RAC2: variants seen among roughly 807,000 people sequenced by gnomAD.
The protein encoded by RAC2 is Rac family small GTPase 2, also known as ras-related C3 botulinum toxin substrate 2.
Under a neutral mutation model 24.0 loss-of-function variants are expected in RAC2, and 1 was observed. The observed-to-expected ratio is 0.04, with a 90% CI of 0.01 to 0.20. RAC2 has a LOEUF of 0.20. Among genes scored for constraint, RAC2 ranks in the 10% least tolerant of loss-of-function variants. The pLI is 1.00. For missense variants in RAC2, 130 were observed against 259.1 expected (o/e 0.50, Z 3.42); for synonymous variants, 114 against 106.8 (o/e 1.07, Z -0.41).
Position 37,231,598 on chromosome 22 carries a change from A to C in RAC2, c.289-208T>G. ...ACGTTGTGCAGGAAGGAGGGGGCGC[A>C]TGATTGTAGGAAAGGAGGAGGCGAG... On this transcript the variant is annotated intron_variant, in intron 4 of 6. Coordinates refer to ENST00000249071, the MANE Select transcript of RAC2 (RefSeq NM_002872.5). The surrounding 1 kb of genome is among the most constrained non-coding windows in gnomAD (Gnocchi z 5.5). 1.6e-6 allele frequency: 1 copy of C among 609,380 alleles called. No homozygotes were observed. Among genetic ancestry groups the C allele is most frequent in the South Asian group, 2.0e-5 (1 of 51,188 alleles). The allele number at this position is 609,380 out of a possible 1,614,324, so 37.7% of individuals were successfully genotyped here. A position where few individuals can be genotyped will look rare whatever the true frequency, so the allele number is the denominator to read the frequency against.
chr22:37,228,082 T>C (rs1926939150), intron 5 of RAC2, among the ~76,000 whole-genome samples: 1 of 152,178 alleles, frequency 6.6e-6, no homozygotes, highest in Non-Finnish European at 1.5e-5. Context: ...CAGGGCCCCC[T>C]CCCCAGGAAC....
intron 1 of RAC2, among the ~76,000 whole-genome samples, chr22:37,243,660 G>A (rs1421844877): frequency 1.3e-5 from 2 of 152,218 alleles, no homozygotes. Flanking sequence ...AGATGAATAA[G>A]CTGAGGTTCA....
intron 1 of RAC2, among the ~76,000 whole-genome samples, chr22:37,243,716 A>G (rs1927476204): frequency 6.6e-6 from 1 of 152,360 alleles, no homozygotes; most frequent in South Asian, 2.1e-4. Flanking sequence ...GCACCAAGCC[A>G]GTGACGACAG....
intron 5 of RAC2, among the ~76,000 whole-genome samples, chr22:37,228,522 G>C (rs886802696): frequency 2.6e-5 from 4 of 152,254 alleles, no homozygotes; most frequent in African/African-American, 7.2e-5. Context: ...GGAGAAGGGA[G>C]GGGAGGGGAA....
At chr22:37,236,030 T>C (rs1927212246) in intron 2 of RAC2, among the ~76,000 whole-genome samples, 1 of 152,192 alleles carries the variant, frequency 6.6e-6, no homozygotes, top group Admixed American at 6.5e-5. Flanking sequence ...CAAGGACCTT[T>C]CTTGTTGGGC....
chr22:37,240,980 T>C (rs570864879), intron 2 of RAC2: 19 of 713,988 alleles, frequency 2.7e-5, no homozygotes, highest in Non-Finnish European at 5.0e-5. Flanking sequence ...ATCAGGAGCC[T>C]TGAGTGCCAT....
chr22:37,228,813 G>C (rs1397622578), intron 5 of RAC2, among the ~76,000 whole-genome samples: 1 of 152,234 alleles, frequency 6.6e-6, no homozygotes, highest in Non-Finnish European at 1.5e-5. Flanking sequence ...GTGGGGCAGG[G>C]ACGAGGAGCC....
intron 1 of RAC2, among the ~76,000 whole-genome samples, chr22:37,243,481 C>A (rs936215214): frequency 6.6e-6 from 1 of 152,166 alleles, no homozygotes; most frequent in Admixed American, 6.5e-5. Flanking sequence ...TGTCCCCTTG[C>A]CTCTTCTGCT....
chr22:37,233,322 G>A lies in RAC2; in HGVS notation c.108-404C>T, dbSNP rs144184927. 5.5e-3 allele frequency among the ~76,000 whole-genome samples: 835 copies of A among 152,064 alleles called. 5 individuals are homozygous for A. Among genetic ancestry groups the A allele is most frequent in the African/African-American group, 0.019 (768 of 41,466 alleles). ...TTTTGAAATGGAATCACGCTCTGTC[G>A]CCCAGGCTGGAGTGCAGTGGCACCA... On this transcript the variant is annotated intron_variant, in intron 2 of 6. Coordinates refer to ENST00000249071, the MANE Select transcript of RAC2 (RefSeq NM_002872.5).
At chr22:37,235,295 G>A (rs756986935) in intron 2 of RAC2, among the ~76,000 whole-genome samples, 1 of 151,990 alleles carries the variant, frequency 6.6e-6, no homozygotes, top group Non-Finnish European at 1.5e-5. Flanking sequence ...TTCCTCAAAC[G>A]GCCCTGTTCC....
intron 1 of RAC2, among the ~76,000 whole-genome samples, chr22:37,242,006 T>G (rs117160285): frequency 2.0e-5 from 3 of 152,214 alleles, no homozygotes; most frequent in Non-Finnish European, 2.9e-5. Context: ...CCCCGACGCC[T>G]GACCTGGGCT....
At chr22:37,238,726 G>A (rs540675412) in intron 2 of RAC2, among the ~76,000 whole-genome samples, 3 of 152,308 alleles carry the variant, frequency 2.0e-5, no homozygotes, top group South Asian at 2.1e-4. Flanking sequence ...TCTGCGAAAC[G>A]GGGGATTTGA....
At chr22:37,243,050 C>T (rs1219116559) in intron 1 of RAC2, among the ~76,000 whole-genome samples, 1 of 152,196 alleles carries the variant, frequency 6.6e-6, no homozygotes, top group Non-Finnish European at 1.5e-5. Flanking sequence ...CCCAGGCTGA[C>T]TGCAGTGGCA....
intron 2 of RAC2, 45 bp from the exon 3 acceptor site, chr22:37,232,963 C>T (rs753114755): frequency 5.6e-6 from 8 of 1,438,996 alleles, no homozygotes; most frequent in Non-Finnish European, 7.8e-6. Flanking sequence ...TCTCAAACCC[C>T]AGAACCTGGG....
At position 37,231,589 on chromosome 22, in the gene RAC2, A is replaced by G. The variant is rs1927064521; in HGVS notation, c.289-199T>C. On this transcript the variant is annotated intron_variant, in intron 4 of 6. Coordinates refer to ENST00000249071, the MANE Select transcript of RAC2 (RefSeq NM_002872.5). The surrounding 1 kb of genome is among the most constrained non-coding windows in gnomAD (Gnocchi z 5.5). ...GAGGCCACGACGTTGTGCAGGAAGG[A>G]GGGGGCGCATGATTGTAGGAAAGGA... is the stretch of plus-strand genomic sequence containing the variant. 1.6e-6 allele frequency: 1 copy of G among 612,126 alleles called. No individual in the cohort carries two copies. 37.9% of individuals were successfully genotyped at this position (612,126 alleles called of 1,614,324 possible). A position where few individuals can be genotyped will look rare whatever the true frequency, so the allele number is the denominator to read the frequency against.
intron 2 of RAC2, chr22:37,241,013 C>T: frequency 1.4e-6 from 1 of 717,260 alleles, no homozygotes; most frequent in Admixed American, 2.0e-5. Context: ...GGGAAATGTC[C>T]TAGGAGTGAT....
At chr22:37,232,706 G>A in intron 3 of RAC2, 95 bp downstream of exon 3, 2 of 1,051,134 alleles carry the variant, frequency 1.9e-6, no homozygotes, top group East Asian at 2.4e-5. Flanking sequence ...GGGAGAGGTA[G>A]GGTTTCCCAG....
rs575699146 is a variant in RAC2 at position 37,226,727 on chromosome 22, G to C, written c.525C>G (p.Ala175=). The C allele has an allele frequency of 5.0e-6, 8 of 1,613,152 alleles. No individual in the cohort carries two copies. The highest frequency in any genetic ancestry group is 6.8e-6 in the Non-Finnish European group (8 of 1,179,592). ...GCCGCGTGGGCTGAGGGCACAGCACGGCCCGGATGGCCTCGTCGAACACGG... is the reference window on the plus strand; with the variant it reads ...GCCGCGTGGGCTGAGGGCACAGCACCGCCCGGATGGCCTCGTCGAACACGG... The part of the protein sequence containing the change: ...LKTVFDEAIR[A]VLCPQPTRQQ... Residue 175 remains alanine, a synonymous_variant, in exon 6 of 7, where the codon GCC becomes GCG. Coordinates refer to ENST00000249071, the MANE Select transcript of RAC2 (RefSeq NM_002872.5).
intron 1 of RAC2, among the ~76,000 whole-genome samples, chr22:37,243,163 G>T (rs1927457691): frequency 6.6e-6 from 1 of 152,114 alleles, no homozygotes; most frequent in African/African-American, 2.4e-5. Context: ...ACCACTCCTG[G>T]CTTAAAAAAA....
Sources: allele counts gnomAD v4.1 joint callset (sites outside exome capture counted in the v4.1 genomes callset), GRCh38; gene constraint gnomAD v4.1.1; non-coding constraint Gnocchi (gnomAD v3.1); transcripts MANE v1.5; gene names NCBI Gene and HGNC (gene_info 2026-07-23, HGNC 2026-07-21).